The following IGF1R variants were observed in gnomAD, a reference collection of about 807,000 sequenced individuals.
IGF1R encodes insulin like growth factor 1 receptor, also known as insulin-like growth factor 1 receptor.
Under a neutral mutation model 144.6 loss-of-function variants are expected in IGF1R, and 44 were observed. The ratio of observed to expected loss-of-function variants is 0.30; its 90% confidence interval spans 0.24 to 0.39. The LOEUF is 0.39. Among genes scored for constraint, IGF1R ranks in the 10% least tolerant of loss-of-function variants. The pLI, the probability that IGF1R is intolerant of heterozygous loss-of-function variation, is 1.00. For synonymous variants in IGF1R, 795 were observed against 722.8 expected, an observed-to-expected ratio of 1.10 and a Z score of -1.60; for missense variants, 1,355 against 1,833.7, an observed-to-expected ratio of 0.74 and a Z score of 4.77.
chr15:98,709,021 G>A (rs1218495044), intron 2 of IGF1R, among the ~76,000 whole-genome samples: 1 of 152,180 alleles, frequency 6.6e-6, no homozygotes, highest in Non-Finnish European at 1.5e-5. Context: ...GTGACTCTGA[G>A]CCTTCACCTT....
chr15:98,904,257 T>G (rs949480368), intron 5 of IGF1R, among the ~76,000 whole-genome samples: 2 of 152,088 alleles, frequency 1.3e-5, no homozygotes, highest in African/African-American at 4.8e-5. Context: ...TTTCACCATG[T>G]TAGCCAGTAT....
At chr15:98,657,240 A>G (rs2052507141) in intron 1 of IGF1R, among the ~76,000 whole-genome samples, 1 of 152,240 alleles carries the variant, frequency 6.6e-6, no homozygotes, top group Non-Finnish European at 1.5e-5. Context: ...ATTTATTTGT[A>G]GGAGTTTTCC....
chr15:98,683,830 C>T (rs951699012), intron 1 of IGF1R, among the ~76,000 whole-genome samples: 1 of 152,176 alleles, frequency 6.6e-6, no homozygotes, highest in Non-Finnish European at 1.5e-5. Flanking sequence ...GGACATAATT[C>T]ACCATTCTTC....
intron 2 of IGF1R, among the ~76,000 whole-genome samples, chr15:98,779,671 A>G (rs1008883197): frequency 2.0e-5 from 3 of 152,230 alleles, no homozygotes; most frequent in South Asian, 2.1e-4. Flanking sequence ...CTCTGGAGTC[A>G]GAGGTTGACA....
rs1462512538 is a variant in IGF1R at position 98,922,092 on chromosome 15, A to G, written c.2202-56A>G. The G allele has an allele frequency of 3.1e-6, 5 of 1,590,792 alleles. No individual in the cohort carries two copies. In the African/African-American group the frequency reaches 5.4e-5, roughly 17 times the overall value. On this transcript the variant is annotated intron_variant, in intron 10 of 20. Coordinates refer to ENST00000650285, the MANE Select transcript of IGF1R (RefSeq NM_000875.5). ...CTTCTGTTACTCTTACTCAAGTCAT[A>G]GAAAAGACAAAAGAGGTAAAAGTAC...
Position 98,916,026 on chromosome 15 carries a change from T to C in IGF1R, c.1891T>C (p.Trp631Arg). The change falls in exon 9 of 21, where the codon TGG (tryptophan) becomes CGG (arginine). Residue 631 changes from tryptophan (W) to arginine (R), a missense_variant. Physicochemically the swap from Trp to Arg is moderately radical, Grantham distance 101 (BLOSUM62 -3). Transcript: ENST00000650285. ...SNSSSQLIVK[W>R]NPPSLPNGNL... The stretch of plus-strand genomic sequence containing the variant: ...CTCCTCTTCTCAGTTAATCGTGAAG[T>C]GGAACCCTCCCTCTCTGCCCAACGG... 6.2e-7 allele frequency: 1 copy of C among 1,614,066 alleles called. No homozygotes were observed. The highest frequency in any genetic ancestry group is 8.5e-7 in the Non-Finnish European group (1 of 1,179,920).
intron 2 of IGF1R, among the ~76,000 whole-genome samples, chr15:98,709,343 C>T (rs2053939176): frequency 6.6e-6 from 1 of 152,190 alleles, no homozygotes; most frequent in Non-Finnish European, 1.5e-5. Context: ...ATCTGCCACG[C>T]ACTTTTCTAT....
intron 2 of IGF1R, among the ~76,000 whole-genome samples, chr15:98,836,841 T>C (rs1268306634): frequency 6.6e-6 from 1 of 152,212 alleles, no homozygotes; most frequent in East Asian, 1.9e-4. Flanking sequence ...GGTTCTAATG[T>C]TTCTCATCAT....
chr15:98,755,953 T>C (rs994994903), intron 2 of IGF1R, among the ~76,000 whole-genome samples: 4 of 152,180 alleles, frequency 2.6e-5, no homozygotes, highest in African/African-American at 9.7e-5. Context: ...TATTTGGTGG[T>C]GTAATAAATT....
At chr15:98,943,113 C>A in intron 19 of IGF1R, 61 bp downstream of exon 19, 1 of 1,587,010 alleles carries the variant, frequency 6.3e-7, no homozygotes, top group Non-Finnish European at 8.7e-7. Flanking sequence ...TTTCCACCAG[C>A]TCAGTCTCTA....
At chr15:98,740,980 G>A (rs546929043) in intron 2 of IGF1R, among the ~76,000 whole-genome samples, 2 of 152,186 alleles carry the variant, frequency 1.3e-5, no homozygotes, top group Non-Finnish European at 1.5e-5. Context: ...TCTCAGTTGA[G>A]TGTATTTGTG....
intron 2 of IGF1R, among the ~76,000 whole-genome samples, chr15:98,834,108 T>G (rs1445333521): frequency 6.6e-6 from 1 of 152,252 alleles, no homozygotes; most frequent in Admixed American, 6.5e-5. Context: ...AAGAAATTAA[T>G]CCATTCTATT....
At chr15:98,857,576 G>T (rs1436647768) in intron 2 of IGF1R, among the ~76,000 whole-genome samples, 1 of 152,190 alleles carries the variant, frequency 6.6e-6, no homozygotes, top group Admixed American at 6.5e-5. Flanking sequence ...CTTCCATCTA[G>T]TCTAGCACCG....
rs141817234 is a variant in IGF1R at position 98,878,439 on chromosome 15, T to C, written c.641-12886T>C. Among the ~76,000 whole-genome samples the C allele has an allele frequency of 4.9e-3, 748 of 152,236 alleles. 25 individuals carry two copies. Among genetic ancestry groups the C allele is most frequent in the Admixed American group, 0.046 (708 of 15,298 alleles). On this transcript the variant is annotated intron_variant, in intron 2 of 20. Coordinates refer to ENST00000650285, the MANE Select transcript of IGF1R (RefSeq NM_000875.5). Reference sequence around the variant, plus strand: ...GGACAGTGTGAGTTTTATAAACTTATAAGGAATATACAAACAGTTCCAAAT... The same window carrying C: ...GGACAGTGTGAGTTTTATAAACTTACAAGGAATATACAAACAGTTCCAAAT...
chr15:98,701,972 G>A (rs551524896), intron 1 of IGF1R, among the ~76,000 whole-genome samples: 42 of 151,722 alleles, frequency 2.8e-4, no homozygotes, highest in Admixed American at 7.2e-4. Flanking sequence ...TTAGAGGTGA[G>A]GTGTGTCTGC....
intron 2 of IGF1R, among the ~76,000 whole-genome samples, chr15:98,736,217 A>C (rs1018713236): frequency 1.3e-5 from 2 of 152,228 alleles, no homozygotes; most frequent in Non-Finnish European, 2.9e-5. Flanking sequence ...CTGCTGGTGA[A>C]GTTACTAATG....
At chr15:98,666,146 A>C (rs994548598) in intron 1 of IGF1R, among the ~76,000 whole-genome samples, 8 of 152,212 alleles carry the variant, frequency 5.3e-5, no homozygotes, top group African/African-American at 1.7e-4. Context: ...TCATTGGTGA[A>C]ATGTAAGTCA....
chr15:98,916,408 T>C (rs1017644809), intron 9 of IGF1R: 16 of 558,844 alleles, frequency 2.9e-5, no homozygotes, highest in Admixed American at 6.1e-5. Flanking sequence ...ATTACAGGCA[T>C]GCACCACCAT....
rs2017045804 is a variant in IGF1R at position 98,957,421 on chromosome 15, G to T, written c.4083G>T (p.Leu1361=). The T allele has an allele frequency of 1.9e-6, 3 of 1,613,056 alleles. No homozygotes were observed. Among genetic ancestry groups the T allele is most frequent in the Non-Finnish European group, 2.5e-6 (3 of 1,180,060 alleles). Residue 1361 remains leucine, a synonymous_variant, in exon 21 of 21, where the codon CTG becomes CTT. Transcript: ENST00000650285. ...GCAAGAACGAGCGGGCCTTGCCGCT[G>T]CCCCAGTCTTCGACCTGCTGATCCT... The part of the protein sequence containing the change: ...GGRKNERALP[L]PQSSTC
Sources: gnomAD v4.1 joint callset for allele counts (sites outside exome capture counted in the v4.1 genomes callset) on GRCh38, gnomAD v4.1.1 for gene constraint, MANE v1.5 for transcripts, NCBI Gene and HGNC (gene_info 2026-07-23, HGNC 2026-07-21) for gene names.